Variants in IFT80 observed in about 807,000 individuals in gnomAD.
IFT80 encodes the protein intraflagellar transport 80, also known as intraflagellar transport protein 80 homolog.
A neutral mutation model predicts 107.9 loss-of-function variants in IFT80; 79 were observed. That is an observed-to-expected ratio of 0.73 (90% CI 0.61 to 0.88). IFT80 has a LOEUF of 0.88. Ranked by LOEUF, IFT80 falls within the 40% of genes least tolerant of loss-of-function variation. The pLI, the probability that IFT80 is intolerant of heterozygous loss-of-function variation, is 0.00. For synonymous variants in IFT80, 299 were observed against 300.9 expected, an observed-to-expected ratio of 0.99 and a Z score of 0.07; for missense variants, 797 against 914.2, an observed-to-expected ratio of 0.87 and a Z score of 1.65.
Position 160,282,533 on chromosome 3 carries a change from A to T in IFT80, c.1461T>A (p.Asp487Glu). 2 of 1,595,828 alleles carry T rather than the reference A, an allele frequency of 1.3e-6. No homozygotes were observed. The highest frequency in any genetic ancestry group is 1.7e-6 in the Non-Finnish European group (2 of 1,167,164). The change falls in exon 14 of 20, where the codon GAT (aspartate) becomes GAA (glutamate). Residue 487 changes from aspartate (D) to glutamate (E), a missense_variant. Coordinates refer to ENST00000326448, the MANE Select transcript of IFT80 (RefSeq NM_020800.3). Reference protein sequence around the residue: ...RKIAFIDKNRDLCITSVKRFG... With the variant: ...RKIAFIDKNRELCITSVKRFG... The stretch of plus-strand genomic sequence containing the variant: ...ATCGTTTCACAGAAGTGATACAGAG[A>T]TCTCTATTTTTATCAATGAAAGCAA...
chr3:160,393,865 G>A (rs1287259373), intron 1 of IFT80, among the ~76,000 whole-genome samples: 1 of 152,104 alleles, frequency 6.6e-6, no homozygotes, highest in African/African-American at 2.4e-5. Context: ...AAATTCAAGA[G>A]CTAGATCACA....
intron 2 of IFT80, chr3:160,383,747 C>G: frequency 1.0e-6 from 1 of 985,324 alleles, no homozygotes; most frequent in Non-Finnish European, 1.2e-6. Flanking sequence ...TGACACATAA[C>G]TGGGGACTCT....
At chr3:160,304,664 T>C (rs982415721) in intron 10 of IFT80, among the ~76,000 whole-genome samples, 1 of 152,078 alleles carries the variant, frequency 6.6e-6, no homozygotes, top group African/African-American at 2.4e-5. Context: ...CTAGATCTCC[T>C]GACCTCATGA....
At chr3:160,374,398 A>C (rs35476567) in intron 5 of IFT80, among the ~76,000 whole-genome samples, 1 of 151,126 alleles carries the variant, frequency 6.6e-6, no homozygotes, top group Non-Finnish European at 1.5e-5. Flanking sequence ...ACAGAGCAAG[A>C]CCGTCTAAAA....
intron 12 of IFT80, among the ~76,000 whole-genome samples, chr3:160,298,405 A>G (rs1716154166): frequency 6.6e-6 from 1 of 152,110 alleles, no homozygotes; most frequent in Non-Finnish European, 1.5e-5. Context: ...TTATATTTAC[A>G]GCAAAACAGA....
chr3:160,381,379 C>T (rs1559971454), intron 3 of IFT80, 124 bp downstream of exon 3: 7 of 759,012 alleles, frequency 9.2e-6, no homozygotes, highest in Non-Finnish European at 6.8e-6. Flanking sequence ...AAAAGAAATA[C>T]AATATGTGGA....
intron 1 of IFT80, among the ~76,000 whole-genome samples, chr3:160,394,618 G>A (rs567336419): frequency 3.3e-5 from 5 of 152,074 alleles, no homozygotes; most frequent in South Asian, 2.1e-4. Context: ...GCGTGGTGGC[G>A]GGCGCCTATA....
At chr3:160,267,429 C>A (rs2108208051) in intron 19 of IFT80, among the ~76,000 whole-genome samples, 1 of 152,244 alleles carries the variant, frequency 6.6e-6, no homozygotes, top group East Asian at 1.9e-4. Flanking sequence ...CTGATTTTAA[C>A]CCCTAGCATA....
At position 160,277,377 on chromosome 3, in the gene IFT80, T is replaced by C. The variant is rs1714347314; in HGVS notation, c.2028A>G (p.Glu676=). ...LLFSGNIQEA[E]IVLLQAGLVY... ...CAAGGCCAGCCTGAAGAAGTACTAT[T>C]TCAGCCTCCTGTATGTTCCCACTAA... The change falls in exon 18 of 20, where the codon GAA becomes GAG. Residue 676 remains glutamate, a synonymous_variant. Coordinates refer to ENST00000326448, the MANE Select transcript of IFT80 (RefSeq NM_020800.3). 6.2e-7 allele frequency: 1 copy of C among 1,613,788 alleles called. No homozygotes were observed. Among genetic ancestry groups the C allele is most frequent in the East Asian group, 2.2e-5 (1 of 44,830 alleles).
At chr3:160,371,164 C>G (rs543994816) in intron 5 of IFT80, among the ~76,000 whole-genome samples, 1 of 152,326 alleles carries the variant, frequency 6.6e-6, no homozygotes, top group East Asian at 1.9e-4. Flanking sequence ...AGCTCCCACT[C>G]ACCTGACTTT....
intron 1 of IFT80, among the ~76,000 whole-genome samples, chr3:160,386,222 C>T (rs562040540): frequency 6.6e-6 from 1 of 152,308 alleles, no homozygotes; most frequent in South Asian, 2.1e-4. Context: ...AAAGATTTTC[C>T]TCACACAATT....
At chr3:160,313,274 G>A (rs912693189) in intron 9 of IFT80, among the ~76,000 whole-genome samples, 1 of 149,142 alleles carries the variant, frequency 6.7e-6, no homozygotes, top group African/African-American at 2.5e-5. Flanking sequence ...AACTTTAAAG[G>A]GAAGTTGTAT....
intron 5 of IFT80, among the ~76,000 whole-genome samples, chr3:160,368,187 G>A (rs1200944863): frequency 2.6e-5 from 4 of 151,714 alleles, no homozygotes; most frequent in African/African-American, 9.7e-5. Flanking sequence ...CCCAACTGAT[G>A]ATATAATCAA....
At chr3:160,321,850 T>C (rs972557896) in intron 8 of IFT80, among the ~76,000 whole-genome samples, 8 of 151,632 alleles carry the variant, frequency 5.3e-5, no homozygotes, top group African/African-American at 1.9e-4. Context: ...AAAGATTCAT[T>C]TTATTATTTA....
chr3:160,273,197 A>C (rs181437578), intron 18 of IFT80, among the ~76,000 whole-genome samples: 4 of 152,356 alleles, frequency 2.6e-5, no homozygotes, highest in Admixed American at 2.6e-4. Context: ...CTTAGCAGCT[A>C]TAATTACTTT....
intron 10 of IFT80, among the ~76,000 whole-genome samples, chr3:160,304,252 C>A (rs567771138): frequency 6.6e-6 from 1 of 152,038 alleles, no homozygotes; most frequent in South Asian, 2.1e-4. Context: ...TTACAACATG[C>A]GAACTGAGGA....
intron 1 of IFT80, among the ~76,000 whole-genome samples, chr3:160,398,590 T>C (rs963753252): frequency 1.3e-5 from 2 of 152,116 alleles, no homozygotes; most frequent in Non-Finnish European, 2.9e-5. Flanking sequence ...ATGTATACAA[T>C]GTCAGGCGAG....
chr3:160,365,564 G>A (rs1721807542), intron 6 of IFT80, among the ~76,000 whole-genome samples: 1 of 151,952 alleles, frequency 6.6e-6, no homozygotes, highest in African/African-American at 2.4e-5. Flanking sequence ...ATAATAACAG[G>A]TACTGTATAT....
At chr3:160,285,731 T>C (rs1715040506) in intron 13 of IFT80, 73 bp downstream of exon 13, 2 of 1,025,786 alleles carry the variant, frequency 1.9e-6, no homozygotes, top group Non-Finnish European at 3.0e-6. Context: ...CTCTTTAAAA[T>C]GAAAACATTA....
Sources: allele counts gnomAD v4.1 joint callset (sites outside exome capture counted in the v4.1 genomes callset), GRCh38; gene constraint gnomAD v4.1.1; transcripts MANE v1.5; gene names NCBI Gene and HGNC (gene_info 2026-07-23, HGNC 2026-07-21).